Variants in ANO7 observed in about 807,000 individuals in gnomAD.
ANO7 encodes the protein anoctamin 7, also known as anoctamin-7.
In ANO7, 114 loss-of-function variants were observed where a neutral mutation model predicts 115.8. The ratio of observed to expected loss-of-function variants is 0.98; its 90% CI spans 0.85 to 1.15. The LOEUF (loss-of-function observed/expected upper bound fraction) is 1.15. ANO7 is among the 50% of genes most tolerant of loss of function. The probability of loss-of-function intolerance (pLI) is 0.00; values close to 1 mark genes in which losing one functional copy is unlikely to be tolerated. For missense variants in ANO7, 1,302 were observed against 1,201.2 expected, an observed-to-expected ratio of 1.08 and a Z score of -1.24; for synonymous variants, 550 against 498.2, an observed-to-expected ratio of 1.10 and a Z score of -1.38.
In ANO7 at chr2:241,223,784, GA is replaced by G; in HGVS notation, c.2532+5del. 6.2e-7 allele frequency: 1 copy of G among 1,614,218 alleles called. No individual in the cohort carries two copies. Among genetic ancestry groups the G allele is most frequent in the East Asian group, 2.2e-5 (1 of 44,886 alleles). On this transcript the variant is annotated splice_donor_region_variant and intron_variant, in intron 23 of 24. Transcript: ENST00000674324. ...AGCAGGCACTGGCTGAGAATGAGGT[GA>G]ACTGTACAGCCCAGTCTCGGCCCTC...
chr2:241,235,715 C>A, the ANO7 span: 1 of 656,950 alleles, frequency 1.5e-6, no homozygotes, highest in East Asian at 2.6e-5. Context: ...CAATGTGCCC[C>A]ACCCGACAAT....
At chr2:241,199,637 G>T (rs35554938) in intron 5 of ANO7, among the ~76,000 whole-genome samples, 1 of 152,144 alleles carries the variant, frequency 6.6e-6, no homozygotes, top group Admixed American at 6.5e-5. Context: ...AGGTGGGGTC[G>T]GGTGAACAGT....
At chr2:241,229,783 T>TTGGG, downstream of ANO7, 3 of 1,524,616 alleles carry the variant, frequency 2.0e-6, no homozygotes, top group Non-Finnish European at 2.7e-6. Flanking sequence ...CAAGCCCGCC[T>TTGGG]GCCCGCCCAC....
At chr2:241,213,906 G>T (rs867985218) in intron 17 of ANO7, among the ~76,000 whole-genome samples, 2 of 152,266 alleles carry the variant, frequency 1.3e-5, no homozygotes, top group Non-Finnish European at 2.9e-5. Flanking sequence ...AGTGGGGAGT[G>T]TGGCTGCGGG....
At chr2:241,191,405 G>A (rs534762975) in intron 3 of ANO7, among the ~76,000 whole-genome samples, 154 bp downstream of exon 3, 2 of 152,178 alleles carry the variant, frequency 1.3e-5, no homozygotes, top group Admixed American at 6.5e-5. Context: ...TGAGGGCCTC[G>A]GGGTGAGCAA....
At chr2:241,227,493 A>G (rs1414047234), downstream of ANO7, 2 of 152,616 alleles carry the variant, frequency 1.3e-5, no homozygotes, top group Non-Finnish European at 2.9e-5. Flanking sequence ...ATCTCTGCCC[A>G]GGGCTGTCCT....
chr2:241,204,113 G>C (rs972199205), intron 9 of ANO7, among the ~76,000 whole-genome samples: 1 of 152,212 alleles, frequency 6.6e-6, no homozygotes, highest in Non-Finnish European at 1.5e-5. Context: ...GGGCAGCCGG[G>C]GCACAGCATC....
chr2:241,202,289 C>T lies in ANO7; in HGVS notation c.708C>T (p.Ala236=), dbSNP rs759077739. The T allele has an allele frequency of 6.2e-7, 1 of 1,613,168 alleles. No homozygotes were observed. Among genetic ancestry groups the T allele is most frequent in the Admixed American group, 1.7e-5 (1 of 60,022 alleles). The change falls in exon 8 of 25, where the codon GCC becomes GCT. Residue 236 remains alanine, a synonymous_variant. Transcript: ENST00000674324. ...QLLAEGVLSA[A]FPLHDGPFKT... is the part of the protein sequence containing the mutation. ...TGGCAGAGGGTGTCCTCAGTGCCGC[C>T]TTCCCCCTGCATGACGTGAGCTCGG...
the ANO7 span, among the ~76,000 whole-genome samples, chr2:241,233,129 C>G: frequency 1.3e-5 from 2 of 152,190 alleles, no homozygotes; most frequent in African/African-American, 4.8e-5. The surrounding 1 kb of genome is among the most constrained non-coding windows in gnomAD (Gnocchi z 4.3). Flanking sequence ...TTGCTAGTCT[C>G]CCACTGTGGG....
chr2:241,236,584 G>C, the ANO7 span: 9 of 1,608,088 alleles, frequency 5.6e-6, no homozygotes, highest in African/African-American at 1.3e-5. Flanking sequence ...GGGCCTTGGC[G>C]GGGGGTGGAG....
intron 4 of ANO7, chr2:241,198,975 C>T (rs1488283642): frequency 1.2e-5 from 4 of 335,254 alleles, no homozygotes; most frequent in Non-Finnish European, 2.3e-5. Flanking sequence ...GGCACTGCCC[C>T]TCAAGCCAGG....
At chr2:241,205,389 C>G (rs909467009) in intron 10 of ANO7, among the ~76,000 whole-genome samples, 1 of 150,994 alleles carries the variant, frequency 6.6e-6, no homozygotes, top group African/African-American at 2.4e-5. Context: ...GGAGTGCTCC[C>G]AGGCTGACAG....
intron 10 of ANO7, among the ~76,000 whole-genome samples, chr2:241,206,870 G>A (rs1178098231): frequency 2.6e-5 from 2 of 77,666 alleles, no homozygotes; most frequent in Non-Finnish European, 4.9e-5. Flanking sequence ...GGACAGGAGT[G>A]CTCCAAGGCT....
rs184140794 is a variant in ANO7, at chr2:241,198,890, G to A, written c.310-426G>A. Among the ~76,000 whole-genome samples the A allele has an allele frequency of 3.3e-5, 5 of 152,360 alleles. No individual in the cohort carries two copies. In the East Asian group the frequency reaches 7.7e-4, roughly 23 times the overall value. On this transcript the variant is annotated intron_variant, in intron 4 of 24. Coordinates refer to ENST00000674324, the MANE Select transcript of ANO7 (RefSeq NM_001370694.2). The stretch of plus-strand genomic sequence containing the variant: ...CACACATACACACGGAAACATGTCC[G>A]TGCACAGCATGCATGTACACCTGGT...
At chr2:241,227,214 GCCA>G (rs2149288846), downstream of ANO7, 1 of 152,534 alleles carries the variant, frequency 6.6e-6, no homozygotes, top group Non-Finnish European at 1.5e-5. Context: ...ACCCACAGAT[GCCA>G]GTCACCACTC....
the ANO7 span, chr2:241,240,303 C>G: frequency 2.2e-5 from 14 of 646,520 alleles, no homozygotes; most frequent in African/African-American, 2.5e-4. This position sits in a 1 kb window ranked among gnomAD's most constrained non-coding sequence, Gnocchi z 5.5. Context: ...CAGATGAATA[C>G]CCAGACTGCA....
intron 8 of ANO7, among the ~76,000 whole-genome samples, chr2:241,202,550 G>A (rs1486347855): frequency 1.3e-5 from 2 of 152,230 alleles, no homozygotes; most frequent in African/African-American, 2.4e-5. Flanking sequence ...GGAACAGGCC[G>A]GTCCCTGGGC....
intron 21 of ANO7, among the ~76,000 whole-genome samples, chr2:241,218,622 G>C (rs906249434): frequency 1.3e-5 from 2 of 152,236 alleles, no homozygotes; most frequent in Non-Finnish European, 2.9e-5. Flanking sequence ...ATTGCTAGTT[G>C]GTCATAGTGT....
Position 241,209,328 on chromosome 2 carries a change from T to C in ANO7, c.1121T>C (p.Leu374Ser). The part of the protein sequence containing the change: ...FDHGGTVFFS[L>S]FMALWAVLLL... ...CACGGCGGCACCGTGTTCTTCAGCTTGTTCATGGCACTGTGGGCCGTGCTG... is the reference window on the plus strand; with the variant it reads ...CACGGCGGCACCGTGTTCTTCAGCTCGTTCATGGCACTGTGGGCCGTGCTG... The change falls in exon 12 of 25, where the codon TTG becomes TCG. Residue 374 changes from leucine to serine, a missense_variant. Transcript: ENST00000674324. 6.4e-7 allele frequency: 1 copy of C among 1,574,332 alleles called. No individual in the cohort carries two copies. Among genetic ancestry groups the C allele is most frequent in the Non-Finnish European group, 8.6e-7 (1 of 1,160,474 alleles).
Sources: allele counts gnomAD v4.1 joint callset (sites outside exome capture counted in the v4.1 genomes callset), GRCh38; gene constraint gnomAD v4.1.1; non-coding constraint Gnocchi (gnomAD v3.1); transcripts MANE v1.5; gene names NCBI Gene and HGNC (gene_info 2026-07-23, HGNC 2026-07-21).